SH3PXD2B: variants seen among roughly 807,000 people sequenced by gnomAD.
SH3PXD2B encodes the protein SH3 and PX domain-containing protein 2B.
In SH3PXD2B, 37 loss-of-function variants were observed where a neutral mutation model predicts 73.1. The ratio of observed to expected loss-of-function variants is 0.51; its 90% CI spans 0.39 to 0.67. The LOEUF (loss-of-function observed/expected upper bound fraction) is 0.67, where lower values mean the gene tolerates loss of function less well. SH3PXD2B is among the 30% of genes least tolerant of loss of function. The probability of loss-of-function intolerance (pLI) is 0.00; values close to 1 mark genes in which losing one functional copy is unlikely to be tolerated. For missense variants in SH3PXD2B, 1,053 were observed against 1,197.8 expected (o/e 0.88, Z 1.78); for synonymous variants, 457 against 480.5 (o/e 0.95, Z 0.64).
At chr5:172,372,776 G>C (rs1757734506) in intron 6 of SH3PXD2B, among the ~76,000 whole-genome samples, 1 of 152,080 alleles carries the variant, frequency 6.6e-6, no homozygotes, top group African/African-American at 2.4e-5. Flanking sequence ...TTCACTTCTA[G>C]GATCTCTGTT....
rs762061325 is a variant in SH3PXD2B at position 172,339,109 on chromosome 5, G to A, written c.1996C>T (p.Leu666Phe). 1.1e-5 allele frequency: 18 copies of A among 1,614,128 alleles called. No homozygotes were observed. Among genetic ancestry groups the A allele is most frequent in the Admixed American group, 8.3e-5 (5 of 60,012 alleles). ...QGEDQVDICN[L>F]RSKLRPAKSQ... ...TTGGCAGGCCTGAGCTTACTCCTGA[G>A]GTTGCAGATGTCGACTTGGTCTTCG... is the stretch of plus-strand genomic sequence containing the variant. The change falls in exon 13 of 13, where the codon CTC becomes TTC. Residue 666 changes from leucine to phenylalanine, a missense_variant. Coordinates refer to ENST00000311601, the MANE Select transcript of SH3PXD2B (RefSeq NM_001017995.3). This position sits in a 1 kb window ranked among gnomAD's most constrained non-coding sequence, Gnocchi z 6.1.
chr5:172,349,532 A>G (rs1757111151), intron 10 of SH3PXD2B, among the ~76,000 whole-genome samples: 1 of 152,222 alleles, frequency 6.6e-6, no homozygotes, highest in Admixed American at 6.5e-5. Flanking sequence ...GTGTTGGAGT[A>G]GAGCCCACAA....
chr5:172,333,489 A>G (rs189185884), downstream of SH3PXD2B: 347 of 1,166,660 alleles, frequency 3.0e-4, 2 homozygotes, highest in African/African-American at 5.2e-3. Flanking sequence ...AAATCCATAG[A>G]CACTGCATCT....
At chr5:172,413,563 CA>C (rs1462786552) in intron 2 of SH3PXD2B, among the ~76,000 whole-genome samples, 1 of 152,126 alleles carries the variant, frequency 6.6e-6, no homozygotes, top group Non-Finnish European at 1.5e-5. Context: ...AATGAAAAAA[CA>C]AATGAGAAAA....
Position 172,337,361 on chromosome 5 carries a change from A to G in SH3PXD2B, c.*1008T>C, listed in dbSNP as rs763738978. 6.6e-5 allele frequency: 65 copies of G among 984,902 alleles called. No homozygotes were observed. The highest frequency in any genetic ancestry group is 7.6e-5 in the Non-Finnish European group (63 of 829,532). 61.0% of individuals were successfully genotyped at this position (984,902 alleles called of 1,614,324 possible). On this transcript the variant is annotated 3_prime_UTR_variant, in exon 13 of 13. Coordinates refer to ENST00000311601, the MANE Select transcript of SH3PXD2B (RefSeq NM_001017995.3). ...ACTGAAGTCAGGCAGGCCTGGACTC[A>G]AATCCTCTTCCCTCTTCCTCCTGGC... is the stretch of plus-strand genomic sequence containing the variant.
Position 172,337,456 on chromosome 5 carries a change from T to C in SH3PXD2B, c.*913A>G, listed in dbSNP as rs1756729453. Reference sequence around the variant, plus strand: ...AAGGGAGGTTGTGAGGGTCAAAGCATGAATGCAAAGCGCCAAGTACAGTGT... The same window carrying C: ...AAGGGAGGTTGTGAGGGTCAAAGCACGAATGCAAAGCGCCAAGTACAGTGT... On this transcript the variant is annotated 3_prime_UTR_variant, in exon 13 of 13. Transcript: ENST00000311601. 1 of 983,958 alleles carries C rather than the reference T, an allele frequency of 1.0e-6. No homozygotes were observed. The highest frequency in any genetic ancestry group is 1.2e-6 in the Non-Finnish European group (1 of 828,598). 61.0% of individuals were successfully genotyped at this position (983,958 alleles called of 1,614,324 possible).
Position 172,381,762 on chromosome 5 carries a change from C to T in SH3PXD2B, c.401+274G>A, listed in dbSNP as rs2569226. Among the ~76,000 whole-genome samples the T allele has an allele frequency of 0.45, 68,039 of 152,082 alleles. 16,072 individuals are homozygous for T. The highest frequency in any genetic ancestry group is 0.71 in the East Asian group (3,677 of 5,168). On this transcript the variant is annotated intron_variant, in intron 5 of 12. Transcript: ENST00000311601. ...CTCAGCCCCTGCCTCACGGGCTCAG[C>T]CTGCTCAGTTCCGACACACCTCGAT...
intron 6 of SH3PXD2B, among the ~76,000 whole-genome samples, chr5:172,373,310 A>G (rs1476988051): frequency 6.6e-6 from 1 of 152,216 alleles, no homozygotes; most frequent in Non-Finnish European, 1.5e-5. Flanking sequence ...TCCTTCATCA[A>G]GACCCAGGGT....
intron 6 of SH3PXD2B, among the ~76,000 whole-genome samples, chr5:172,363,643 G>A (rs10078427): frequency 0.074 from 11,325 of 152,066 alleles, 779 homozygotes; most frequent in African/African-American, 0.19. Flanking sequence ...GAAGAGAATG[G>A]GGGAAGAGCA....
At chr5:172,326,264 A>G (rs1023026786) in intron 12 of SH3PXD2B, among the ~76,000 whole-genome samples, 1 of 152,250 alleles carries the variant, frequency 6.6e-6, no homozygotes, top group African/African-American at 2.4e-5. Flanking sequence ...TAAATTTAAT[A>G]TAGTGAAGTT....
intron 1 of SH3PXD2B, among the ~76,000 whole-genome samples, chr5:172,450,002 T>TTAGGGAATGTTAAA (rs1456413067): frequency 9.2e-5 from 14 of 152,136 alleles, no homozygotes; most frequent in African/African-American, 3.4e-4. Context: ...ATACAAGATT[T>TTAGGGAATGTTAAA]TAGGGAATGT....
Position 172,350,494 on chromosome 5 carries a change from T to C in SH3PXD2B, c.881A>G (p.His294Arg), listed in dbSNP as rs1263130107. The C allele has an allele frequency of 6.2e-7, 1 of 1,613,552 alleles. No homozygotes were observed. The highest frequency in any genetic ancestry group is 8.5e-7 in the Non-Finnish European group (1 of 1,179,880). Residue 294 changes from histidine (H) to arginine (R), a missense_variant, in exon 10 of 13, where the codon CAC (histidine) becomes CGC (arginine). By Grantham distance (29) the His-to-Arg change is conservative. This residue lies in a region of SH3PXD2B where 466 missense variants were observed against 607.1 expected (regional missense o/e 0.77). Coordinates refer to ENST00000311601, the MANE Select transcript of SH3PXD2B (RefSeq NM_001017995.3). ...PPKPGPGSPS[H>R]PGALDLDGVS... is the part of the protein sequence containing the mutation. ...ACCATCCAAGTCAAGGGCACCCGGGTGGGAGGGTGAGCCAGGGCCTGGCTT... is the reference window on the plus strand; with the variant it reads ...ACCATCCAAGTCAAGGGCACCCGGGCGGGAGGGTGAGCCAGGGCCTGGCTT...
chr5:172,343,422 T>C (rs1286272892), intron 12 of SH3PXD2B, among the ~76,000 whole-genome samples: 1 of 152,234 alleles, frequency 6.6e-6, no homozygotes, highest in Non-Finnish European at 1.5e-5. Flanking sequence ...TGGTAGAAGC[T>C]CTGAACATGT....
At chr5:172,439,238 G>GAAAAAAAAAAAAAAAAAAAAAAAAAA (rs922645535) in intron 1 of SH3PXD2B, among the ~76,000 whole-genome samples, 1 of 33,234 alleles carries the variant, frequency 3.0e-5, no homozygotes, top group African/African-American at 1.4e-4. Context: ...AGAAAAAACA[G>GAAAAAAAAAAAAAAAAAAAAAAAAAA]AAAAAAAAAA....
intron 1 of SH3PXD2B, among the ~76,000 whole-genome samples, chr5:172,439,696 A>ACACGCGCGCGCG (rs1260345665): frequency 5.4e-5 from 5 of 91,936 alleles, no homozygotes; most frequent in African/African-American, 2.3e-4. Context: ...GCGCGCGCAC[A>ACACGCGCGCGCG]CACACACACA....
rs140178111 is a variant in SH3PXD2B at position 172,408,022 on chromosome 5, C to T, written c.157-1670G>A. ...GGCTGCTTTCCCAGGCTGGAGCTCC[C>T]GGCCTCTTTGGTGCTGTTCTACACG... On this transcript the variant is annotated intron_variant, in intron 2 of 12. Coordinates refer to ENST00000311601, the MANE Select transcript of SH3PXD2B (RefSeq NM_001017995.3). Among the ~76,000 whole-genome samples, 10 of 152,048 alleles carry T rather than the reference C, an allele frequency of 6.6e-5. No individual in the cohort carries two copies. The East Asian group carries it at 7.8e-4, about 12-fold the overall frequency.
chr5:172,349,695 A>G (rs1757115170), intron 10 of SH3PXD2B, among the ~76,000 whole-genome samples: 1 of 152,186 alleles, frequency 6.6e-6, no homozygotes. Flanking sequence ...GTAAAACAGA[A>G]AAAGTAGTAA....
At chr5:172,388,221 A>C (rs1403692595) in intron 4 of SH3PXD2B, among the ~76,000 whole-genome samples, 1 of 152,230 alleles carries the variant, frequency 6.6e-6, no homozygotes, top group Non-Finnish European at 1.5e-5. Context: ...TAAACTTGGT[A>C]GCTAAATTTG....
rs1307145198 is a variant in SH3PXD2B at position 172,338,747 on chromosome 5, G to A, written c.2358C>T (p.His786=). The change falls in exon 13 of 13, where the codon CAC becomes CAT. Residue 786 remains histidine, a synonymous_variant. Transcript: ENST00000311601. The surrounding 1 kb of genome is among the most constrained non-coding windows in gnomAD (Gnocchi z 5.1). ...CTGGGGTGGGAGCTGCCCTGCTTTC[G>A]TGGCCTTCACACTGTGGACCTCTGA... ...PEVRGPQCEG[H]ESRAAPTPGR... 3.1e-6 allele frequency: 5 copies of A among 1,614,068 alleles called. No homozygotes were observed. The highest frequency in any genetic ancestry group is 1.7e-5 in the Admixed American group (1 of 60,006).
Sources: gnomAD v4.1 joint callset for allele counts (sites outside exome capture counted in the v4.1 genomes callset) on GRCh38, gnomAD v4.1.1 for gene constraint, gnomAD v4.1.1 regional missense constraint, Gnocchi (gnomAD v3.1) non-coding constraint, MANE v1.5 for transcripts, NCBI Gene and HGNC (gene_info 2026-07-23, HGNC 2026-07-21) for gene names.